ITGB3BP: variants seen among roughly 807,000 people sequenced by gnomAD.
ITGB3BP encodes integrin subunit beta 3 binding protein, also known as centromere protein R.
Under a neutral mutation model 29.1 loss-of-function variants are expected in ITGB3BP, and 27 were observed. The observed-to-expected ratio is 0.93, with a 90% CI of 0.68 to 1.28. ITGB3BP has a LOEUF of 1.28. ITGB3BP is among the 50% of genes most tolerant of loss of function. The pLI is 0.00. For missense variants in ITGB3BP, 192 were observed against 200.2 expected (o/e 0.96, Z 0.25); for synonymous variants, 61 against 61.4 (o/e 0.99, Z 0.03).
chr1:63,453,872 G>T, intron 7 of ITGB3BP, 46 bp downstream of exon 7: 1 of 1,133,960 alleles, frequency 8.8e-7, no homozygotes, highest in Non-Finnish European at 1.3e-6. Flanking sequence ...TTGGCAAAAT[G>T]GGATGAAAGC....
intron 2 of ITGB3BP, among the ~76,000 whole-genome samples, chr1:63,497,557 G>C (rs900550394): frequency 1.3e-5 from 2 of 152,042 alleles, no homozygotes; most frequent in Admixed American, 1.3e-4. Flanking sequence ...GTCTCATCCT[G>C]GGGGGGAGAC....
intron 2 of ITGB3BP, among the ~76,000 whole-genome samples, chr1:63,507,631 TGTTAATGA>T (rs1646109794): frequency 1.3e-5 from 2 of 152,248 alleles, no homozygotes; most frequent in Admixed American, 1.3e-4. Flanking sequence ...CTAATTATAC[TGTTAATGA>T]TTTTTTAAGT....
intron 2 of ITGB3BP, among the ~76,000 whole-genome samples, chr1:63,495,609 C>T (rs1280360120): frequency 6.7e-6 from 1 of 150,206 alleles, no homozygotes; most frequent in African/African-American, 2.5e-5. Flanking sequence ...TAGGGGGCAG[C>T]TGGCACTGCC....
At chr1:63,488,738 G>A (rs1297132815) in intron 3 of ITGB3BP, among the ~76,000 whole-genome samples, 1 of 152,018 alleles carries the variant, frequency 6.6e-6, no homozygotes, top group Non-Finnish European at 1.5e-5. Context: ...AAACATGTAT[G>A]TGCAGTCTGA....
Position 63,509,531 on chromosome 1 carries a change from C to T in ITGB3BP, c.6-961G>A, listed in dbSNP as rs530305285. ...GTATTGATCTTAGAAAATGACTATT[C>T]GTAAGTAACTATTGATTTACAAAGG... On this transcript the variant is annotated intron_variant, in intron 1 of 8. Transcript: ENST00000271002. 2.8e-4 allele frequency among the ~76,000 whole-genome samples: 43 copies of T among 151,854 alleles called. 1 individual carries two copies. In the South Asian group the frequency reaches 4.6e-3, roughly 16 times the overall value.
At chr1:63,485,579 C>G (rs189163818) in intron 3 of ITGB3BP, among the ~76,000 whole-genome samples, 12 of 152,048 alleles carry the variant, frequency 7.9e-5, no homozygotes, top group Non-Finnish European at 1.8e-4. Flanking sequence ...TTCATCATTG[C>G]TTTTTGCAAT....
intron 4 of ITGB3BP, among the ~76,000 whole-genome samples, chr1:63,458,659 CT>C (rs369701610): frequency 1.3e-5 from 2 of 152,064 alleles, no homozygotes; most frequent in Non-Finnish European, 2.9e-5. Flanking sequence ...GATTTCCCTC[CT>C]TTTTTGTAAC....
chr1:63,493,857 C>T (rs954146653), intron 2 of ITGB3BP, among the ~76,000 whole-genome samples: 3 of 152,102 alleles, frequency 2.0e-5, no homozygotes, highest in African/African-American at 7.2e-5. Flanking sequence ...TTAAAGGATA[C>T]TTTATCACTA....
intron 4 of ITGB3BP, among the ~76,000 whole-genome samples, chr1:63,467,507 C>CAGCT (rs1210141030): frequency 1.5e-5 from 2 of 137,106 alleles, no homozygotes; most frequent in Non-Finnish European, 3.2e-5. Flanking sequence ...CCACCACATC[C>CAGCT]AGCTTGCTTG....
chr1:63,445,797 T>C (rs1644784122), intron 8 of ITGB3BP, among the ~76,000 whole-genome samples: 1 of 152,116 alleles, frequency 6.6e-6, no homozygotes. Flanking sequence ...GGTCTGTCAC[T>C]GTGTTGCCTA....
chr1:63,482,649 ATTTTTT>A (rs34619742), intron 3 of ITGB3BP, among the ~76,000 whole-genome samples: 2 of 129,852 alleles, frequency 1.5e-5, no homozygotes, highest in African/African-American at 5.9e-5. Flanking sequence ...AACAATGTTA[ATTTTTT>A]TTTTTTTTTT....
At chr1:63,525,708 G>A (rs143257051), upstream of ITGB3BP, 594 of 1,586,346 alleles carry the variant, frequency 3.7e-4, no homozygotes, top group African/African-American at 3.5e-3. Flanking sequence ...CTACTTAACT[G>A]TCTTCAAAAG....
At chr1:63,499,668 C>A (rs907206408) in intron 2 of ITGB3BP, among the ~76,000 whole-genome samples, 10 of 152,096 alleles carry the variant, frequency 6.6e-5, no homozygotes, top group Admixed American at 3.3e-4. Flanking sequence ...GCAAGGAAAG[C>A]AAGGTTGGTT....
chr1:63,496,644 C>A (rs1034386188), intron 2 of ITGB3BP, among the ~76,000 whole-genome samples: 2 of 150,348 alleles, frequency 1.3e-5, no homozygotes, highest in African/African-American at 4.8e-5. Flanking sequence ...GTTAAATTAT[C>A]ACCACAAAAA....
intron 2 of ITGB3BP, among the ~76,000 whole-genome samples, chr1:63,498,228 C>A (rs10889424): frequency 0.59 from 89,626 of 151,754 alleles, 27,126 homozygotes; most frequent in Non-Finnish European, 0.67. Flanking sequence ...ATCTATAGAA[C>A]CCTCCCCCAA....
At chr1:63,515,825 T>TAA (rs76881362) in intron 1 of ITGB3BP, among the ~76,000 whole-genome samples, 35 of 48,634 alleles carry the variant, frequency 7.2e-4, no homozygotes, top group East Asian at 3.9e-3. Flanking sequence ...GACTCCAACT[T>TAA]AAAAAAAAAA....
At chr1:63,444,543 T>C (rs1644766599) in intron 8 of ITGB3BP, among the ~76,000 whole-genome samples, 1 of 147,604 alleles carries the variant, frequency 6.8e-6, no homozygotes, top group South Asian at 2.1e-4. Context: ...TGTAGGATAT[T>C]ACATATAGGA....
intron 3 of ITGB3BP, among the ~76,000 whole-genome samples, chr1:63,489,002 A>G (rs905200472): frequency 2.0e-5 from 3 of 152,050 alleles, no homozygotes; most frequent in Non-Finnish European, 4.4e-5. Context: ...ATCTATTCAC[A>G]TTTCAGTATA....
At chr1:63,448,826 T>C (rs563458492) in intron 7 of ITGB3BP, among the ~76,000 whole-genome samples, 2 of 152,218 alleles carry the variant, frequency 1.3e-5, no homozygotes, top group South Asian at 4.1e-4. Context: ...TACTTATGCT[T>C]TTATCTTTTA....
Sources: allele counts gnomAD v4.1 joint callset (sites outside exome capture counted in the v4.1 genomes callset), GRCh38; gene constraint gnomAD v4.1.1; transcripts MANE v1.5; gene names NCBI Gene and HGNC (gene_info 2026-07-23, HGNC 2026-07-21).